The following CNNM2 variants were observed in gnomAD, a reference collection of about 807,000 sequenced individuals.
The protein encoded by CNNM2 is metal transporter CNNM2.
In CNNM2, 12 loss-of-function variants were observed where a neutral mutation model predicts 66.9. The ratio of observed to expected loss-of-function variants is 0.18; its 90% CI spans 0.11 to 0.29. The LOEUF (loss-of-function observed/expected upper bound fraction) is 0.29, where lower values mean the gene tolerates loss of function less well. Among genes scored for constraint, CNNM2 ranks in the 10% least tolerant of loss-of-function variants. The pLI is 1.00. For missense variants in CNNM2, 705 were observed against 1,167.7 expected, an observed-to-expected ratio of 0.60 and a Z score of 5.77; for synonymous variants, 557 against 501.8, an observed-to-expected ratio of 1.11 and a Z score of -1.47.
In CNNM2 at chr10:103,012,398, C is replaced by T. The variant is rs1203927928; in HGVS notation, c.1622-37309C>T. 2.7e-4 allele frequency among the ~76,000 whole-genome samples: 41 copies of T among 152,176 alleles called. 1 individual carries two copies. Among genetic ancestry groups the T allele is most frequent in the Admixed American group, 2.7e-3 (41 of 15,274 alleles). On this transcript the variant is annotated intron_variant, in intron 1 of 7. Transcript: ENST00000369878. The stretch of plus-strand genomic sequence containing the variant: ...TGGTGGCTCGCGCCTGTAATCCCAG[C>T]ACTTTGGGAGGCCGAGGCCGGCAGA...
intron 1 of CNNM2, among the ~76,000 whole-genome samples, chr10:102,992,555 T>A (rs1423873953): frequency 6.6e-6 from 1 of 152,124 alleles, no homozygotes; most frequent in Non-Finnish European, 1.5e-5. Context: ...ATTACAGATG[T>A]GAGCCACCGT....
intron 1 of CNNM2, among the ~76,000 whole-genome samples, chr10:103,032,827 T>C (rs1590428345): frequency 6.6e-6 from 1 of 152,100 alleles, no homozygotes; most frequent in East Asian, 1.9e-4. Flanking sequence ...TATAGAAATA[T>C]AAAAACTTAG....
At chr10:102,971,085 GTT>G (rs2063539884) in intron 1 of CNNM2, among the ~76,000 whole-genome samples, 1 of 151,752 alleles carries the variant, frequency 6.6e-6, no homozygotes, top group East Asian at 1.9e-4. Context: ...TCTAGTCCTG[GTT>G]ACTCAGTAGG....
At chr10:102,985,056 C>G (rs2063774971) in intron 1 of CNNM2, among the ~76,000 whole-genome samples, 1 of 152,082 alleles carries the variant, frequency 6.6e-6, no homozygotes, top group Non-Finnish European at 1.5e-5. Flanking sequence ...ATGAATTTTG[C>G]TAATATTTTC....
chr10:102,972,994 A>T (rs1168702074), intron 1 of CNNM2, among the ~76,000 whole-genome samples: 1 of 152,228 alleles, frequency 6.6e-6, no homozygotes, highest in Non-Finnish European at 1.5e-5. Context: ...ACGTTTTAAC[A>T]TCCATGAAAC....
chr10:103,037,349 G>A (rs566173075), intron 1 of CNNM2, among the ~76,000 whole-genome samples: 8 of 151,346 alleles, frequency 5.3e-5, no homozygotes, highest in African/African-American at 1.7e-4. Context: ...CTCACTTTTG[G>A]GCTCAATCAT....
chr10:103,035,956 A>G (rs759386948), intron 1 of CNNM2, among the ~76,000 whole-genome samples: 4 of 152,346 alleles, frequency 2.6e-5, no homozygotes, highest in Admixed American at 1.3e-4. Flanking sequence ...CATAGCGCAC[A>G]CACATTAGTT....
At chr10:102,961,205 G>A (rs2063374111) in intron 1 of CNNM2, among the ~76,000 whole-genome samples, 1 of 152,130 alleles carries the variant, frequency 6.6e-6, no homozygotes, top group Admixed American at 6.6e-5. Flanking sequence ...AGGCTGCACA[G>A]AAATATCCCA....
chr10:103,054,590 G>T lies in CNNM2; in HGVS notation c.1903+124G>T. 1 of 1,012,884 alleles carries T rather than the reference G, an allele frequency of 9.9e-7. No homozygotes were observed. The highest frequency in any genetic ancestry group is 1.4e-6 in the Non-Finnish European group (1 of 696,916). The allele number at this position is 1,012,884 out of a possible 1,614,324, so 62.7% of individuals were successfully genotyped here. ...TGGGGTGATAAGTAATGCCACTTTT[G>T]TGTTTTGTTTTTTTTGTTTTTTTGT... On this transcript the variant is annotated intron_variant, in intron 3 of 7. Transcript: ENST00000369878. The surrounding 1 kb of genome is among the most constrained non-coding windows in gnomAD (Gnocchi z 5.2).
chr10:103,004,975 G>C lies in CNNM2; in HGVS notation c.1622-44732G>C, dbSNP rs534796042. Among the ~76,000 whole-genome samples, 118 of 152,124 alleles carry C rather than the reference G, an allele frequency of 7.8e-4. 2 individuals carry two copies. The South Asian group carries it at 0.024, about 31-fold the overall frequency. On this transcript the variant is annotated intron_variant, in intron 1 of 7. Coordinates refer to ENST00000369878, the MANE Select transcript of CNNM2 (RefSeq NM_017649.5). Reference sequence around the variant, plus strand: ...GGCTTATAGCCCTCCATTATTGAATGGTCTTTAATTTCTTTTTTTTTCCCC... The same window carrying C: ...GGCTTATAGCCCTCCATTATTGAATCGTCTTTAATTTCTTTTTTTTTCCCC...
intron 1 of CNNM2, among the ~76,000 whole-genome samples, chr10:102,999,152 G>A (rs2064063758): frequency 6.7e-6 from 1 of 150,264 alleles, no homozygotes; most frequent in Non-Finnish European, 1.5e-5. Flanking sequence ...CTCACTGCAA[G>A]CTCCGCCTCC....
chr10:103,064,691 T>C (rs1193503855), intron 4 of CNNM2, among the ~76,000 whole-genome samples: 4 of 151,888 alleles, frequency 2.6e-5, no homozygotes, highest in African/African-American at 7.3e-5. Flanking sequence ...AATAGAAAAA[T>C]TAGCTGGGCA....
chr10:103,088,972 G>C lies in CNNM2; in HGVS notation c.*11792G>C, dbSNP rs1225640164. On this transcript the variant is annotated 3_prime_UTR_variant, in exon 8 of 8. Coordinates refer to ENST00000369878, the MANE Select transcript of CNNM2 (RefSeq NM_017649.5). ...AAATTCTTTCTATAGATTTATCACA[G>C]ATAAGAAGGAGGTTGTTTTTGGATA... 2 of 209,334 alleles carry C rather than the reference G, an allele frequency of 9.6e-6. No homozygotes were observed. Among genetic ancestry groups the C allele is most frequent in the African/African-American group, 2.3e-5 (1 of 43,994 alleles). The allele number at this position is 209,334 out of a possible 1,614,324, so 13.0% of individuals were successfully genotyped here.
chr10:103,003,106 A>T (rs1294301551), intron 1 of CNNM2, among the ~76,000 whole-genome samples: 1 of 130,556 alleles, frequency 7.7e-6, no homozygotes, highest in Non-Finnish European at 1.6e-5. Flanking sequence ...ATGCTATAAC[A>T]TGTGTGAATC....
intron 1 of CNNM2, among the ~76,000 whole-genome samples, chr10:102,986,761 C>T (rs1279613942): frequency 8.0e-6 from 1 of 124,690 alleles, no homozygotes; most frequent in Non-Finnish European, 1.6e-5. Flanking sequence ...GCCGGGGTGA[C>T]AGTGCAAGAC....
intron 1 of CNNM2, among the ~76,000 whole-genome samples, chr10:102,990,578 G>A (rs551970691): frequency 6.6e-6 from 1 of 152,266 alleles, no homozygotes; most frequent in South Asian, 2.1e-4. Context: ...TTAAGCTATA[G>A]CAATGGCTCT....
chr10:102,957,486 T>G, intron 1 of CNNM2, among the ~76,000 whole-genome samples: 1 of 152,208 alleles, frequency 6.6e-6, no homozygotes, highest in Non-Finnish European at 1.5e-5. Flanking sequence ...GGATAAGTGA[T>G]TTGAACTCTA....
At chr10:102,932,115 C>T (rs946323261) in intron 1 of CNNM2, among the ~76,000 whole-genome samples, 2 of 151,982 alleles carry the variant, frequency 1.3e-5, no homozygotes, top group African/African-American at 2.4e-5. Context: ...ATATTTTTCT[C>T]CCATGCTATA....
intron 1 of CNNM2, among the ~76,000 whole-genome samples, chr10:102,982,828 C>G (rs2134232231): frequency 6.6e-6 from 1 of 152,258 alleles, no homozygotes; most frequent in Admixed American, 6.5e-5. Flanking sequence ...GATGGAGTTG[C>G]AATACAGTTT....
Sources: gnomAD v4.1 joint callset for allele counts (sites outside exome capture counted in the v4.1 genomes callset) on GRCh38, gnomAD v4.1.1 for gene constraint, Gnocchi (gnomAD v3.1) non-coding constraint, MANE v1.5 for transcripts, NCBI Gene and HGNC (gene_info 2026-07-23, HGNC 2026-07-21) for gene names.